The following ANKS1B variants were observed in gnomAD, a reference collection of about 807,000 sequenced individuals.
The protein encoded by ANKS1B is ankyrin repeat and sterile alpha motif domain containing 1B, also known as ankyrin repeat and sterile alpha motif domain-containing protein 1B.
In ANKS1B, 36 loss-of-function variants were observed where a neutral mutation model predicts 148.3. The ratio of observed to expected loss-of-function variants is 0.24; its 90% CI spans 0.19 to 0.32. The LOEUF (loss-of-function observed/expected upper bound fraction) is 0.32, where lower values mean the gene tolerates loss of function less well. ANKS1B is among the 10% of genes least tolerant of loss of function. The pLI, the probability that ANKS1B is intolerant of heterozygous loss-of-function variation, is 1.00. For missense variants in ANKS1B, 1,157 were observed against 1,542.6 expected (o/e 0.75, Z 4.19); for synonymous variants, 542 against 560.8 (o/e 0.97, Z 0.47).
chr12:99,885,358 TG>T (rs2092767207), intron 1 of ANKS1B, among the ~76,000 whole-genome samples: 3 of 148,924 alleles, frequency 2.0e-5, no homozygotes, highest in Admixed American at 1.4e-4. Context: ...TGGAGTGCAG[TG>T]GCCCGATCTT....
chr12:99,049,306 GCA>G (rs148702495), intron 17 of ANKS1B, among the ~76,000 whole-genome samples: 143 of 148,270 alleles, frequency 9.6e-4, no homozygotes, highest in Admixed American at 1.3e-3. Context: ...ATGTACACAC[GCA>G]CACACACACA....
intron 12 of ANKS1B, among the ~76,000 whole-genome samples, chr12:99,320,480 G>A (rs192424816): frequency 1.8e-4 from 28 of 151,974 alleles, no homozygotes; most frequent in Non-Finnish European, 3.1e-4. Context: ...CCACTTGATC[G>A]AATCGGCTAC....
At chr12:99,727,725 C>T (rs1031039364) in intron 8 of ANKS1B, among the ~76,000 whole-genome samples, 3 of 152,108 alleles carry the variant, frequency 2.0e-5, no homozygotes, top group African/African-American at 7.2e-5. Context: ...CATCACACTA[C>T]CTGACTTCAA....
chr12:98,738,467 G>T (rs1321630612), intron 9 of ANKS1B, among the ~76,000 whole-genome samples: 2 of 152,206 alleles, frequency 1.3e-5, no homozygotes, highest in Non-Finnish European at 2.9e-5. Context: ...GACTCCTGCT[G>T]TTCTGAGGAG....
At position 99,654,944 on chromosome 12, in the gene ANKS1B, A is replaced by G. The variant is rs1025069952; in HGVS notation, c.1272+123T>C. On this transcript the variant is annotated intron_variant, in intron 9 of 26. Coordinates refer to ENST00000683438, the MANE Select transcript of ANKS1B (RefSeq NM_001352186.2). ...TACTTGACACTTTGAGAAAAACCAC[A>G]AGATCCAAAATCACAAAGTGAACAA... is the stretch of plus-strand genomic sequence containing the variant. 3 of 1,141,262 alleles carry G rather than the reference A, an allele frequency of 2.6e-6. No individual in the cohort carries two copies. In the South Asian group the frequency reaches 5.9e-5, roughly 23 times the overall value. 70.7% of individuals were successfully genotyped at this position (1,141,262 alleles called of 1,614,324 possible).
At chr12:98,882,132 T>C (rs944627281) in intron 17 of ANKS1B, among the ~76,000 whole-genome samples, 9 of 152,224 alleles carry the variant, frequency 5.9e-5, no homozygotes, top group African/African-American at 2.2e-4. Flanking sequence ...ATTGGTGACA[T>C]ACTACTGTGA....
rs373822775 is a variant in ANKS1B, at chr12:99,628,169, A to G, written c.1272+26898T>C. Among the ~76,000 whole-genome samples, 3 of 152,332 alleles carry G rather than the reference A, an allele frequency of 2.0e-5. No individual in the cohort carries two copies. The East Asian group carries it at 5.8e-4, about 29-fold the overall frequency. ...CTGAATACTGTAGACGATTGTCTAC[A>G]GTATTAACCATTTGCATGTCTAAAC... On this transcript the variant is annotated intron_variant, in intron 9 of 26. Coordinates refer to ENST00000683438, the MANE Select transcript of ANKS1B (RefSeq NM_001352186.2).
intron 17 of ANKS1B, among the ~76,000 whole-genome samples, chr12:98,967,747 A>G (rs986415978): frequency 5.5e-5 from 8 of 144,266 alleles, no homozygotes; most frequent in Non-Finnish European, 1.5e-5. Context: ...GAGACAGACA[A>G]ATCTAAAAAA....
chr12:99,039,016 A>T (rs891527252), intron 17 of ANKS1B, among the ~76,000 whole-genome samples: 2 of 152,190 alleles, frequency 1.3e-5, no homozygotes, highest in Non-Finnish European at 2.9e-5. Flanking sequence ...TAAGAGCAGG[A>T]GCTCTGTTGG....
chr12:99,523,195 G>C (rs1355731943), intron 9 of ANKS1B, among the ~76,000 whole-genome samples: 1 of 152,184 alleles, frequency 6.6e-6, no homozygotes, highest in Non-Finnish European at 1.5e-5. Context: ...TTGGCTTGGT[G>C]CTGGGGCTGA....
chr12:99,196,838 A>AT lies in ANKS1B; in HGVS notation c.2420-42444dup, dbSNP rs200825208. Among the ~76,000 whole-genome samples, 22 of 152,136 alleles carry AT rather than the reference A, an allele frequency of 1.4e-4. No homozygotes were observed. The East Asian group carries it at 4.3e-3, about 29-fold the overall frequency. ...GAAAAGGACAACTTTGGGTCCAGGG[A>AT]TTGTAAATTGTGTCCTCAAATCTCT... On this transcript the variant is annotated intron_variant, in intron 14 of 26. Transcript: ENST00000683438.
At chr12:99,497,060 G>T (rs1194974151) in intron 10 of ANKS1B, among the ~76,000 whole-genome samples, 1 of 152,106 alleles carries the variant, frequency 6.6e-6, no homozygotes, top group South Asian at 2.1e-4. Flanking sequence ...AAGGGGAATT[G>T]GTTCCCAGAC....
At chr12:99,172,374 A>G (rs2077870016) in intron 14 of ANKS1B, among the ~76,000 whole-genome samples, 1 of 152,200 alleles carries the variant, frequency 6.6e-6, no homozygotes, top group African/African-American at 2.4e-5. Context: ...AGACGAATAC[A>G]GGAAAGAAAC....
intron 8 of ANKS1B, among the ~76,000 whole-genome samples, chr12:99,705,689 C>A (rs977228639): frequency 1.3e-5 from 2 of 152,124 alleles, no homozygotes; most frequent in Middle Eastern, 3.4e-3. Context: ...ATACAGAAAT[C>A]AAGATATCCA....
intron 9 of ANKS1B, among the ~76,000 whole-genome samples, chr12:99,522,168 T>C (rs1216960046): frequency 1.3e-5 from 2 of 152,202 alleles, no homozygotes; most frequent in African/African-American, 2.4e-5. Context: ...CTTGTTTTTG[T>C]ACTTGAATTT....
chr12:99,004,161 A>G (rs2099934712), intron 17 of ANKS1B, among the ~76,000 whole-genome samples: 1 of 152,218 alleles, frequency 6.6e-6, no homozygotes. Context: ...CCGTGGAGCC[A>G]TGGAATGAAC....
chr12:99,948,605 A>G (rs1028504088), intron 1 of ANKS1B, among the ~76,000 whole-genome samples: 2 of 152,212 alleles, frequency 1.3e-5, no homozygotes, highest in Admixed American at 1.3e-4. Context: ...TTGAGAATTC[A>G]GAGGCTGGAG....
At chr12:99,849,607 A>G (rs2087353849) in intron 1 of ANKS1B, among the ~76,000 whole-genome samples, 1 of 152,178 alleles carries the variant, frequency 6.6e-6, no homozygotes, top group Non-Finnish European at 1.5e-5. Context: ...ACTGTCCATC[A>G]ATAGTAGAAA....
intron 17 of ANKS1B, among the ~76,000 whole-genome samples, chr12:98,957,387 G>A (rs536051752): frequency 6.6e-6 from 1 of 151,050 alleles, no homozygotes; most frequent in East Asian, 1.9e-4. Context: ...TCTCTCTGTT[G>A]CCCAGGCTGG....
Sources: allele counts gnomAD v4.1 joint callset (sites outside exome capture counted in the v4.1 genomes callset), GRCh38; gene constraint gnomAD v4.1.1; transcripts MANE v1.5; gene names NCBI Gene and HGNC (gene_info 2026-07-23, HGNC 2026-07-21).